BSN: variants seen among roughly 807,000 people sequenced by gnomAD.
BSN encodes bassoon presynaptic cytomatrix protein.
A neutral mutation model predicts 264.8 loss-of-function variants in BSN; 57 were observed. The ratio of observed to expected loss-of-function variants is 0.22; its 90% CI spans 0.17 to 0.27. The LOEUF (loss-of-function observed/expected upper bound fraction) is 0.27. Ranked by LOEUF, BSN falls within the 10% of genes least tolerant of loss-of-function variation. The probability of loss-of-function intolerance (pLI) is 1.00; values close to 1 mark genes in which losing one functional copy is unlikely to be tolerated. For missense variants in BSN, 4,615 were observed against 5,232.5 expected (o/e 0.88, Z 3.64); for synonymous variants, 2,059 against 2,137.3 (o/e 0.96, Z 1.01).
At chr3:49,584,497 T>C (rs1282446098) in intron 1 of BSN, among the ~76,000 whole-genome samples, 2 of 152,150 alleles carry the variant, frequency 1.3e-5, no homozygotes, top group African/African-American at 4.8e-5. Context: ...TTTTCATTTT[T>C]TTGGGCACTT....
chr3:49,624,932 C>G, intron 1 of BSN, 43 bp from the exon 2 acceptor site: 1 of 1,481,054 alleles, frequency 6.8e-7, no homozygotes, highest in Non-Finnish European at 9.0e-7. Flanking sequence ...CAAGCTGCTT[C>G]TCTAAGCTGT....
intron 1 of BSN, among the ~76,000 whole-genome samples, chr3:49,601,881 A>G (rs574624879): frequency 2.0e-4 from 31 of 152,338 alleles, no homozygotes; most frequent in African/African-American, 5.5e-4. Context: ...AGAGGACTCC[A>G]TCTGTTGCTT....
intron 1 of BSN, among the ~76,000 whole-genome samples, chr3:49,619,480 T>C (rs2052287485): frequency 6.6e-6 from 1 of 152,190 alleles, no homozygotes; most frequent in Non-Finnish European, 1.5e-5. Flanking sequence ...GGCCTAGATA[T>C]TGGAATCCCA....
intron 1 of BSN, among the ~76,000 whole-genome samples, chr3:49,621,254 A>G (rs1032791283): frequency 4.6e-5 from 7 of 152,092 alleles, no homozygotes; most frequent in African/African-American, 1.7e-4. Context: ...AGAGATAGAC[A>G]TTTGGTGGGT....
rs1208321281 is a variant in BSN, at chr3:49,624,283, G to A, written c.225-692G>A. 2.5e-5 allele frequency among the ~76,000 whole-genome samples: 3 copies of A among 121,828 alleles called. No individual in the cohort carries two copies. The Admixed American group carries it at 2.9e-4, about 12-fold the overall frequency. 79.9% of individuals were successfully genotyped at this position (121,828 alleles called of 152,430 possible). On this transcript the variant is annotated intron_variant, in intron 1 of 11. Transcript: ENST00000296452. ...CCCAAAGTGCGGGGATTCCAGGCGT[G>A]AGCCAACGTGCCCAGCCTTTTTTTT...
At position 49,652,944 on chromosome 3, in the gene BSN, C is replaced by T. The variant is rs1575448258; in HGVS notation, c.3388C>T (p.Pro1130Ser). 6 of 1,610,764 alleles carry T rather than the reference C, an allele frequency of 3.7e-6. No individual in the cohort carries two copies. Among genetic ancestry groups the T allele is most frequent in the Non-Finnish European group, 5.1e-6 (6 of 1,178,406 alleles). ...CTCCTGCTCTGAGTACTCACCCTCA[C>T]CCTCCCTTGACTCTGAGGCTGAGGC... is the stretch of plus-strand genomic sequence containing the variant. ...RSSCSEYSPS[P>S]SLDSEAEALD... Residue 1130 changes from proline (P) to serine (S), a missense_variant, in exon 5 of 12, where the codon CCC (proline) becomes TCC (serine). Around this residue, in one of 3 missense-constraint regions of BSN, gnomAD observed 3,415 missense variants for 3,866.4 expected, o/e 0.88. Coordinates refer to ENST00000296452, the MANE Select transcript of BSN (RefSeq NM_003458.4).
At chr3:49,613,303 C>CGAGAGCGAGAGAGA (rs2052223682) in intron 1 of BSN, among the ~76,000 whole-genome samples, 2 of 47,346 alleles carry the variant, frequency 4.2e-5, no homozygotes, top group East Asian at 2.1e-3. Flanking sequence ...ACACACAGAG[C>CGAGAGCGAGAGAGA]GAGAGAGAGA....
chr3:49,575,023 T>C (rs1248809181), intron 1 of BSN, among the ~76,000 whole-genome samples: 1 of 152,114 alleles, frequency 6.6e-6, no homozygotes, highest in African/African-American at 2.4e-5. Flanking sequence ...TCTTCTGGAA[T>C]TTTTTCTTTT....
At position 49,595,089 on chromosome 3, in the gene BSN, C is replaced by A. The variant is rs6800591; in HGVS notation, c.225-29886C>A. On this transcript the variant is annotated intron_variant, in intron 1 of 11. Coordinates refer to ENST00000296452, the MANE Select transcript of BSN (RefSeq NM_003458.4). ...GTATTTTAGCAGAGATAGGGTTTCA[C>A]CATGTTGGCCAGGATGGTCTCGATC... 9.2e-3 allele frequency among the ~76,000 whole-genome samples: 1,404 copies of A among 152,204 alleles called. 27 individuals carry two copies. Among genetic ancestry groups the A allele is most frequent in the African/African-American group, 0.031 (1,282 of 41,516 alleles).
intron 3 of BSN, among the ~76,000 whole-genome samples, chr3:49,643,647 A>G (rs866366906): frequency 4.3e-4 from 65 of 152,220 alleles, no homozygotes; most frequent in African/African-American, 1.5e-3. Flanking sequence ...GCTCCAGCCC[A>G]GCAAGGTGGT....
chr3:49,642,625 G>A lies in BSN; in HGVS notation c.991G>A (p.Ala331Thr), dbSNP rs137948444. The change falls in exon 3 of 12, where the codon GCA becomes ACA. Residue 331 changes from alanine to threonine, a missense_variant. Ala to Thr is a moderately conservative substitution (Grantham distance 58). Around this residue, in one of 3 missense-constraint regions of BSN, gnomAD observed 1,197 missense variants for 1,348.0 expected, o/e 0.89. Transcript: ENST00000296452. This position sits in a 1 kb window ranked among gnomAD's most constrained non-coding sequence, Gnocchi z 7.0. ...AGEAPAKSAT[A>T]VPAGLGATEQ... is the part of the protein sequence containing the mutation. ...AGAGGCCCCGGCCAAAAGTGCCACCGCAGTGCCCGCTGGGCTTGGTGCCAC... is the reference window on the plus strand; with the variant it reads ...AGAGGCCCCGGCCAAAAGTGCCACCACAGTGCCCGCTGGGCTTGGTGCCAC... 1.6e-4 allele frequency: 257 copies of A among 1,602,336 alleles called. No individual in the cohort carries two copies. The highest frequency in any genetic ancestry group is 2.0e-4 in the Non-Finnish European group (229 of 1,173,350).
In BSN at chr3:49,656,029, A is replaced by C. The variant is rs2052595936; in HGVS notation, c.6473A>C (p.His2158Pro). ...LLGNPTFPEG[H>P]PSPGNLAQYG... is the part of the protein sequence containing the mutation. ...GGTAACCCCACCTTTCCAGAGGGCC[A>C]CCCAAGTCCTGGGAACTTGGCCCAG... Residue 2158 changes from histidine (H) to proline (P), a missense_variant, in exon 5 of 12, where the codon CAC (histidine) becomes CCC (proline). Physicochemically the swap from His to Pro is moderately conservative, Grantham distance 77. Coordinates refer to ENST00000296452, the MANE Select transcript of BSN (RefSeq NM_003458.4). The C allele has an allele frequency of 1.2e-6, 2 of 1,601,962 alleles. No individual in the cohort carries two copies. Among genetic ancestry groups the C allele is most frequent in the African/African-American group, 2.7e-5 (2 of 74,760 alleles).
chr3:49,558,183 G>A (rs1559591189), intron 1 of BSN, among the ~76,000 whole-genome samples: 1 of 152,226 alleles, frequency 6.6e-6, no homozygotes, highest in East Asian at 1.9e-4. Context: ...GAGATGTAAG[G>A]CTGGAAAAAT....
intron 1 of BSN, among the ~76,000 whole-genome samples, chr3:49,598,713 A>G (rs563191286): frequency 6.6e-6 from 1 of 152,284 alleles, no homozygotes; most frequent in South Asian, 2.1e-4. Context: ...GGCCGCCACC[A>G]TTACACTTAA....
intron 5 of BSN, 119 bp downstream of exon 5, chr3:49,658,315 A>G (rs2052628771): frequency 6.5e-6 from 8 of 1,236,818 alleles, no homozygotes; most frequent in Admixed American, 3.1e-5. Context: ...CCAGAGGCCC[A>G]GGGGAAAGAG....
intron 3 of BSN, among the ~76,000 whole-genome samples, chr3:49,648,229 G>A (rs2052514577): frequency 6.6e-6 from 1 of 152,244 alleles, no homozygotes; most frequent in Non-Finnish European, 1.5e-5. Context: ...TGTTGCTTCT[G>A]TGTGGGGTTC....
intron 8 of BSN, 52 bp from the exon 9 acceptor site, chr3:49,664,371 C>T: frequency 1.2e-6 from 2 of 1,612,740 alleles, no homozygotes; most frequent in Non-Finnish European, 1.7e-6. Context: ...CCTCTTAGAC[C>T]CTAAAGAGCC....
intron 1 of BSN, among the ~76,000 whole-genome samples, chr3:49,623,777 T>A (rs982075642): frequency 2.0e-5 from 3 of 152,216 alleles, no homozygotes; most frequent in African/African-American, 4.8e-5. Context: ...GGCATTGCAG[T>A]ATCCCCCATC....
chr3:49,655,916 T>TGGC lies in BSN; in HGVS notation c.6361_6363dup (p.Gly2121dup). 1 of 1,611,904 alleles carries TGGC rather than the reference T, an allele frequency of 6.2e-7. No individual in the cohort carries two copies. The highest frequency in any genetic ancestry group is 1.3e-5 in the African/African-American group (1 of 75,046). On this transcript the variant is annotated inframe_insertion, in exon 5 of 12. Coordinates refer to ENST00000296452, the MANE Select transcript of BSN (RefSeq NM_003458.4). The stretch of plus-strand genomic sequence containing the variant: ...GTGGGCGGCATGGCAGTGGTGGTGG[T>TGGC]GGCCCTGACCTTGTGCAGTACCAGC...
Sources: allele counts gnomAD v4.1 joint callset (sites outside exome capture counted in the v4.1 genomes callset), GRCh38; gene constraint gnomAD v4.1.1; regional missense constraint gnomAD v4.1.1; non-coding constraint Gnocchi (gnomAD v3.1); transcripts MANE v1.5; gene names NCBI Gene and HGNC (gene_info 2026-07-23, HGNC 2026-07-21).